Variants in LPP observed in about 807,000 individuals in gnomAD.
LPP encodes LIM domain containing preferred translocation partner in lipoma.
LPP carries 38 observed loss-of-function variants against 60.4 expected under a neutral mutation model. The observed-to-expected ratio is 0.63, with a 90% confidence interval of 0.49 to 0.83. The LOEUF (loss-of-function observed/expected upper bound fraction) is 0.83, where lower values mean the gene tolerates loss of function less well. LPP is among the 40% of genes least tolerant of loss of function. The probability of loss-of-function intolerance (pLI) is 0.00; values close to 1 mark genes in which losing one functional copy is unlikely to be tolerated. For missense variants in LPP, 902 were observed against 783.6 expected (o/e 1.15, Z -1.80); for synonymous variants, 328 against 290.8 (o/e 1.13, Z -1.30).
chr3:188,805,638 T>C (rs1008500889), intron 9 of LPP, among the ~76,000 whole-genome samples: 22 of 151,892 alleles, frequency 1.4e-4, no homozygotes, highest in Admixed American at 1.0e-3. Flanking sequence ...TTTGCTTGGC[T>C]TGGGTTAAGT....
At position 188,885,114 on chromosome 3, in the gene LPP, C is replaced by T. The variant is rs57987024; in HGVS notation, c.*10635C>T. The T allele has an allele frequency of 0.017, 3,719 of 213,600 alleles. 123 individuals are homozygous for T. Among genetic ancestry groups the T allele is most frequent in the African/African-American group, 0.078 (3,440 of 44,316 alleles). The allele number at this position is 213,600 out of a possible 1,614,324, so 13.2% of individuals were successfully genotyped here. ...AGCTGCGTCCCTCAGGAAGCTGTAC[C>T]TTTAGGGTGTGCTTTCCACTTTTTA... On this transcript the variant is annotated 3_prime_UTR_variant, in exon 12 of 12. Coordinates refer to ENST00000617246, the MANE Select transcript of LPP (RefSeq NM_001375462.1).
At chr3:188,766,473 A>C (rs1734201429) in intron 9 of LPP, among the ~76,000 whole-genome samples, 1 of 151,710 alleles carries the variant, frequency 6.6e-6, no homozygotes, top group East Asian at 1.9e-4. Context: ...CTTTTATCAT[A>C]TTACCCTCTA....
At chr3:188,437,555 A>C (rs539512299) in intron 4 of LPP, among the ~76,000 whole-genome samples, 1 of 152,040 alleles carries the variant, frequency 6.6e-6, no homozygotes, top group Non-Finnish European at 1.5e-5. Context: ...TTTTCTCTGT[A>C]CTCTTTTAGT....
chr3:188,757,253 A>G (rs1730584227), intron 8 of LPP, among the ~76,000 whole-genome samples: 1 of 152,192 alleles, frequency 6.6e-6, no homozygotes, highest in Non-Finnish European at 1.5e-5. Flanking sequence ...TCATTTTTGT[A>G]TATCACACAG....
intron 6 of LPP, among the ~76,000 whole-genome samples, chr3:188,549,169 C>T (rs1488694278): frequency 1.3e-5 from 2 of 152,152 alleles, no homozygotes; most frequent in African/African-American, 2.4e-5. Flanking sequence ...AGCAGTTTCT[C>T]ATGTAAGCTG....
chr3:188,410,961 T>G (rs760771661), intron 4 of LPP, among the ~76,000 whole-genome samples: 24 of 152,174 alleles, frequency 1.6e-4, no homozygotes, highest in Non-Finnish European at 2.9e-4. Flanking sequence ...TAGCTCCCAC[T>G]TATAAGTGAG....
chr3:188,851,888 C>T (rs1050027280), intron 9 of LPP, among the ~76,000 whole-genome samples: 3 of 152,136 alleles, frequency 2.0e-5, no homozygotes, highest in Non-Finnish European at 2.9e-5. Flanking sequence ...TTGGGCCAGG[C>T]GTGGTGGCTC....
chr3:188,665,062 T>A (rs1203744255), intron 7 of LPP, among the ~76,000 whole-genome samples: 1 of 152,156 alleles, frequency 6.6e-6, no homozygotes, highest in Non-Finnish European at 1.5e-5. Context: ...GTCTAGATTT[T>A]TAGTGCACAA....
intron 8 of LPP, among the ~76,000 whole-genome samples, chr3:188,728,626 T>A (rs1441762096): frequency 1.3e-5 from 2 of 152,186 alleles, no homozygotes; most frequent in Non-Finnish European, 2.9e-5. Flanking sequence ...GTGGGTTGCA[T>A]AGCTTTTTTG....
chr3:188,360,508 T>A (rs750807992), intron 3 of LPP, among the ~76,000 whole-genome samples: 2 of 152,088 alleles, frequency 1.3e-5, no homozygotes, highest in Non-Finnish European at 2.9e-5. Context: ...TGATATCCTG[T>A]CTGAATTACA....
At chr3:188,624,834 G>A (rs1846524564) in intron 7 of LPP, among the ~76,000 whole-genome samples, 1 of 95,438 alleles carries the variant, frequency 1.0e-5, no homozygotes, top group Admixed American at 1.4e-4. Context: ...CTTCTTTGGT[G>A]TGCTGAGAAT....
chr3:188,487,429 G>A (rs4686964), intron 5 of LPP, among the ~76,000 whole-genome samples: 90,849 of 152,008 alleles, frequency 0.6, 28,263 homozygotes, highest in East Asian at 0.85. Flanking sequence ...TACTCAAGCC[G>A]TGGCTTTGTT....
intron 2 of LPP, among the ~76,000 whole-genome samples, chr3:188,261,867 G>T (rs1733774344): frequency 6.6e-6 from 1 of 152,174 alleles, no homozygotes; most frequent in Non-Finnish European, 1.5e-5. Flanking sequence ...CAGTGAGCTA[G>T]AACGGTGCCA....
At chr3:188,481,884 A>G (rs1477739132) in intron 4 of LPP, among the ~76,000 whole-genome samples, 1 of 152,180 alleles carries the variant, frequency 6.6e-6, no homozygotes, top group Admixed American at 6.5e-5. Context: ...GGACCCAGGA[A>G]TCCTTTTATA....
chr3:188,527,987 T>C (rs993900385), intron 6 of LPP, among the ~76,000 whole-genome samples: 8 of 152,208 alleles, frequency 5.3e-5, no homozygotes, highest in African/African-American at 1.9e-4. Context: ...ATTTATGCAA[T>C]TGAACTACCT....
intron 7 of LPP, among the ~76,000 whole-genome samples, chr3:188,700,255 T>C (rs985340983): frequency 2.0e-5 from 3 of 152,282 alleles, no homozygotes; most frequent in East Asian, 1.9e-4. Flanking sequence ...AGGTTCAGAT[T>C]TGCAGTAAAT....
intron 9 of LPP, among the ~76,000 whole-genome samples, chr3:188,765,880 T>C (rs895184101): frequency 1.4e-5 from 2 of 141,120 alleles, no homozygotes; most frequent in Admixed American, 1.4e-4. Flanking sequence ...TTTTTTTTTT[T>C]TTTTTTTGGA....
At chr3:188,548,396 A>T (rs1028251433) in intron 6 of LPP, among the ~76,000 whole-genome samples, 1 of 152,176 alleles carries the variant, frequency 6.6e-6, no homozygotes, top group Non-Finnish European at 1.5e-5. Flanking sequence ...AAGGAGGATC[A>T]ACCTTAGTGT....
intron 11 of LPP, among the ~76,000 whole-genome samples, 177 bp from the exon 12 acceptor site, chr3:188,874,174 A>G (rs1276644684): frequency 6.6e-6 from 1 of 152,142 alleles, no homozygotes; most frequent in African/African-American, 2.4e-5. Context: ...TACATTCAAG[A>G]TATACTATGT....
Sources: gnomAD v4.1 joint callset for allele counts (sites outside exome capture counted in the v4.1 genomes callset) on GRCh38, gnomAD v4.1.1 for gene constraint, MANE v1.5 for transcripts, NCBI Gene and HGNC (gene_info 2026-07-23, HGNC 2026-07-21) for gene names.